Variants in LRRK1 observed in about 807,000 individuals in gnomAD.
LRRK1 encodes the protein leucine-rich repeat serine/threonine-protein kinase 1.
Under a neutral mutation model 209.1 loss-of-function variants are expected in LRRK1, and 113 were observed. The ratio of observed to expected loss-of-function variants is 0.54; its 90% CI spans 0.46 to 0.63. The LOEUF (loss-of-function observed/expected upper bound fraction) is 0.63. Ranked by LOEUF, LRRK1 falls within the 30% of genes least tolerant of loss-of-function variation. The pLI is 0.00. For synonymous variants in LRRK1, 1,144 were observed against 1,099.7 expected (o/e 1.04, Z -0.80); for missense variants, 2,284 against 2,632.2 (o/e 0.87, Z 2.89).
At position 101,027,201 on chromosome 15, in the gene LRRK1, A is replaced by G. The variant is rs1567243722; in HGVS notation, c.2406-60A>G. ...GACAAACCTCTCAGGGAAACAGAGAAGCAGCAGCGCTTCCTCGGAGTGGGG... is the reference window on the plus strand; with the variant it reads ...GACAAACCTCTCAGGGAAACAGAGAGGCAGCAGCGCTTCCTCGGAGTGGGG... On this transcript the variant is annotated intron_variant, in intron 17 of 33. Coordinates refer to ENST00000388948, the MANE Select transcript of LRRK1 (RefSeq NM_024652.6). The surrounding 1 kb of genome is among the most constrained non-coding windows in gnomAD (Gnocchi z 5.1). 8.1e-6 allele frequency: 13 copies of G among 1,595,680 alleles called. No homozygotes were observed. The highest frequency in any genetic ancestry group is 1.1e-5 in the Non-Finnish European group (13 of 1,169,582).
chr15:100,939,760 A>G (rs185056473), intron 2 of LRRK1, among the ~76,000 whole-genome samples: 83 of 151,474 alleles, frequency 5.5e-4, no homozygotes, highest in Admixed American at 1.2e-3. Context: ...ACCCTGAGTT[A>G]CAGTTTGTAC....
At chr15:100,964,498 A>G (rs911129666) in intron 2 of LRRK1, among the ~76,000 whole-genome samples, 1 of 152,202 alleles carries the variant, frequency 6.6e-6, no homozygotes, top group African/African-American at 2.4e-5. Context: ...CTTTGGCCAC[A>G]TGGGGACTCA....
At chr15:100,935,085 G>A (rs1426759900) in intron 2 of LRRK1, among the ~76,000 whole-genome samples, 1 of 152,184 alleles carries the variant, frequency 6.6e-6, no homozygotes, top group Admixed American at 6.5e-5. Context: ...TCCAGGCTAT[G>A]TCAGAGCCTG....
intron 20 of LRRK1, among the ~76,000 whole-genome samples, chr15:101,042,730 G>C (rs2034828314): frequency 6.6e-6 from 1 of 152,200 alleles, no homozygotes; most frequent in Admixed American, 6.5e-5. Flanking sequence ...GGGTGCTCTT[G>C]TCGGGGGATT....
At chr15:100,998,340 C>T (rs542864749) in intron 6 of LRRK1, among the ~76,000 whole-genome samples, 36 of 152,316 alleles carry the variant, frequency 2.4e-4, no homozygotes, top group African/African-American at 8.4e-4. Context: ...CGACCCAGGA[C>T]ACCCTGCAGA....
In LRRK1 at chr15:101,022,758, A is replaced by G. The variant is rs2033857102; in HGVS notation, c.2067+161A>G. ...GTACCATTCCATACCAGCTTCTGCC[A>G]AGAGCAGCGAATCATTTCTTAATGT... On this transcript the variant is annotated intron_variant, in intron 15 of 33. Transcript: ENST00000388948. The surrounding 1 kb of genome is among the most constrained non-coding windows in gnomAD (Gnocchi z 4.0). Among the ~76,000 whole-genome samples, 3 of 152,188 alleles carry G rather than the reference A, an allele frequency of 2.0e-5. No individual in the cohort carries two copies.
At chr15:100,991,043 C>A (rs2032135444) in intron 6 of LRRK1, among the ~76,000 whole-genome samples, 1 of 152,168 alleles carries the variant, frequency 6.6e-6, no homozygotes, top group Non-Finnish European at 1.5e-5. Flanking sequence ...AGGTGGCTAG[C>A]TTTTATCTCT....
Position 101,009,005 on chromosome 15 carries a change from G to A in LRRK1, c.931G>A (p.Asp311Asn), listed in dbSNP as rs769053443. 3.7e-6 allele frequency: 6 copies of A among 1,614,042 alleles called. No individual in the cohort carries two copies. Among genetic ancestry groups the A allele is most frequent in the South Asian group, 1.1e-5 (1 of 91,088 alleles). ...LINLRKLNLS[D>N]NHLGELPGVQ... ...CAATCTCCGGAAGCTGAACCTCTCC[G>A]ACAACCACCTGGGGGAGCTGCCTGG... The change falls in exon 7 of 34, where the codon GAC becomes AAC. Residue 311 changes from aspartate to asparagine, a missense_variant. Physicochemically the swap from Asp to Asn is conservative, Grantham distance 23 (BLOSUM62 1). Coordinates refer to ENST00000388948, the MANE Select transcript of LRRK1 (RefSeq NM_024652.6).
chr15:100,976,981 C>T (rs1211930746), intron 3 of LRRK1, among the ~76,000 whole-genome samples: 1 of 152,198 alleles, frequency 6.6e-6, no homozygotes, highest in Admixed American at 6.5e-5. Context: ...TTGCCCTCTT[C>T]TTCTCACTAA....
In LRRK1 at chr15:101,029,005, C is replaced by G; in HGVS notation, c.2736C>G (p.Thr912=). Residue 912 remains threonine, a synonymous_variant, in exon 20 of 34, where the codon ACC becomes ACG. Coordinates refer to ENST00000388948, the MANE Select transcript of LRRK1 (RefSeq NM_024652.6). ...GCACCCTGCTCCATTTCCCGGACAC[C>G]AGCCACGGCCTGAGGAACCTCTACT... ...ETGTLLHFPD[T]SHGLRNLYFL... 6.2e-7 allele frequency: 1 copy of G among 1,614,180 alleles called. No homozygotes were observed.
At chr15:100,934,404 T>A (rs1401502439) in intron 2 of LRRK1, among the ~76,000 whole-genome samples, 3 of 152,186 alleles carry the variant, frequency 2.0e-5, no homozygotes, top group Non-Finnish European at 4.4e-5. Context: ...GGCATCCACT[T>A]GTGGAGGACA....
At chr15:100,966,185 A>G (rs920891414) in intron 2 of LRRK1, among the ~76,000 whole-genome samples, 1 of 152,222 alleles carries the variant, frequency 6.6e-6, no homozygotes, top group South Asian at 2.1e-4. Context: ...ATACAAAACA[A>G]TAGTATTTTG....
At position 100,941,404 on chromosome 15, in the gene LRRK1, G is replaced by GTGTCTATGTGTGTGTGTC. The variant is rs1567190966; in HGVS notation, c.97+16678_97+16679insCTATGTGTGTGTGTCTGT. 2.8e-4 allele frequency among the ~76,000 whole-genome samples: 33 copies of GTGTCTATGTGTGTGTGTC among 118,704 alleles called. 1 individual carries two copies. The highest frequency in any genetic ancestry group is 1.6e-3 in the African/African-American group (32 of 19,718). The allele number at this position is 118,704 out of a possible 152,430, so 77.9% of individuals were successfully genotyped here. A position where few individuals can be genotyped will look rare whatever the true frequency, so the allele number is the denominator to read the frequency against. Reference sequence around the variant, plus strand: ...TGTCTGTGTCTCTGTGTGTGTCTGTGTGTGTCTCTGTGTGTGTGTGTGTCT... The same window carrying GTGTCTATGTGTGTGTGTC: ...TGTCTGTGTCTCTGTGTGTGTCTGTGTGTCTATGTGTGTGTGTCTGTGTCTCTGTGTGTGTGTGTGTCT... On this transcript the variant is annotated intron_variant, in intron 2 of 33. Transcript: ENST00000388948.
At chr15:101,066,391 G>A (rs914561246) in intron 32 of LRRK1, among the ~76,000 whole-genome samples, 186 bp downstream of exon 32, 2 of 152,184 alleles carry the variant, frequency 1.3e-5, no homozygotes, top group South Asian at 2.1e-4. Flanking sequence ...AAGAGTGGCC[G>A]CACAAAAGCT....
intron 2 of LRRK1, among the ~76,000 whole-genome samples, chr15:100,952,283 A>ATT (rs1391356579): frequency 6.6e-6 from 1 of 152,210 alleles, no homozygotes; most frequent in East Asian, 1.9e-4. Flanking sequence ...AACCCACTGA[A>ATT]TTGTACACTT....
At chr15:100,973,709 G>C in intron 2 of LRRK1, 95 bp from the exon 3 acceptor site, 1 of 1,175,354 alleles carries the variant, frequency 8.5e-7, no homozygotes, top group African/African-American at 1.6e-5. Flanking sequence ...ATCGTGCAAC[G>C]GGCCGCGCCG....
chr15:100,957,861 A>G (rs886117604), intron 2 of LRRK1, among the ~76,000 whole-genome samples: 1 of 152,206 alleles, frequency 6.6e-6, no homozygotes, highest in African/African-American at 2.4e-5. Flanking sequence ...ATTGTTCTGT[A>G]GTTGGCTGTT....
At chr15:100,990,721 T>A (rs1256308590) in intron 6 of LRRK1, among the ~76,000 whole-genome samples, 1 of 85,560 alleles carries the variant, frequency 1.2e-5, no homozygotes, top group Non-Finnish European at 2.2e-5. Flanking sequence ...CTTTGGAGGG[T>A]TTTTTTTTTT....
intron 2 of LRRK1, among the ~76,000 whole-genome samples, chr15:100,950,604 C>G (rs2042625179): frequency 6.6e-6 from 1 of 152,148 alleles, no homozygotes; most frequent in Non-Finnish European, 1.5e-5. Context: ...AGATACTACA[C>G]CAAAAACACA....
Sources: allele counts gnomAD v4.1 joint callset (sites outside exome capture counted in the v4.1 genomes callset), GRCh38; gene constraint gnomAD v4.1.1; non-coding constraint Gnocchi (gnomAD v3.1); transcripts MANE v1.5; gene names NCBI Gene and HGNC (gene_info 2026-07-23, HGNC 2026-07-21).